The following CIITA variants were observed in gnomAD, a reference collection of about 807,000 sequenced individuals.
CIITA encodes MHC class II transactivator.
Under a neutral mutation model 115.1 loss-of-function variants are expected in CIITA, and 72 were observed. The ratio of observed to expected loss-of-function variants is 0.63; its 90% confidence interval spans 0.52 to 0.76. The LOEUF is 0.76. CIITA is among the 30% of genes least tolerant of loss of function. The pLI is 0.00. For missense variants in CIITA, 1,617 were observed against 1,463.8 expected (o/e 1.10, Z -1.71); for synonymous variants, 763 against 635.6 (o/e 1.20, Z -3.02).
At position 10,924,022 on chromosome 16, in the gene CIITA, A is replaced by G. The variant is rs2040419715; in HGVS notation, c.*167A>G. 1 of 152,828 alleles carries G rather than the reference A, an allele frequency of 6.5e-6. No homozygotes were observed. Among genetic ancestry groups the G allele is most frequent in the Admixed American group, 6.5e-5 (1 of 15,286 alleles). The allele number at this position is 152,828 out of a possible 1,614,324, so 9.5% of individuals were successfully genotyped here. ...GGGTTGGCCCCTGCCCGGCTGCGGA[A>G]TGAACCACATCTTGCTCTGCTGACA... On this transcript the variant is annotated 3_prime_UTR_variant, in exon 20 of 20. Transcript: ENST00000324288.
rs2040666728 is a variant in CIITA, at chr16:10,929,202, G to A, written c.*5347G>A. 11 of 985,682 alleles carry A rather than the reference G, an allele frequency of 1.1e-5. No homozygotes were observed. Among genetic ancestry groups the A allele is most frequent in the Non-Finnish European group, 1.3e-5 (11 of 829,904 alleles). 61.1% of individuals were successfully genotyped at this position (985,682 alleles called of 1,614,324 possible). On this transcript the variant is annotated 3_prime_UTR_variant, in exon 20 of 20. Coordinates refer to ENST00000324288, the MANE Select transcript of CIITA (RefSeq NM_000246.4). This position sits in a 1 kb window ranked among gnomAD's most constrained non-coding sequence, Gnocchi z 4.3. Reference sequence around the variant, plus strand: ...GCCTCGGGCTAAACCCAGCTGGCCTGAAGGCTCAACTCACATCAAACGGAG... The same window carrying A: ...GCCTCGGGCTAAACCCAGCTGGCCTAAAGGCTCAACTCACATCAAACGGAG...
downstream of CIITA, chr16:10,937,907 G>A (rs1331889859): frequency 6.6e-6 from 1 of 152,236 alleles, no homozygotes; most frequent in Non-Finnish European, 1.5e-5. The surrounding 1 kb of genome is among the most constrained non-coding windows in gnomAD (Gnocchi z 4.2). Flanking sequence ...GGGTCCTGGG[G>A]CTGGGAAGGC....
At chr16:10,919,098 C>T (rs1030319723) in intron 16 of CIITA, among the ~76,000 whole-genome samples, 2 of 152,222 alleles carry the variant, frequency 1.3e-5, no homozygotes, top group South Asian at 2.1e-4. Context: ...AAACTGCTCT[C>T]CTCTTCGCCA....
chr16:10,882,621 G>T (rs2036539490), intron 1 of CIITA, among the ~76,000 whole-genome samples: 1 of 152,200 alleles, frequency 6.6e-6, no homozygotes, highest in East Asian at 1.9e-4. Context: ...TTCCAGGCCG[G>T]GCATGGTGGC....
In CIITA at chr16:10,928,020, C is replaced by T. The variant is rs941313717; in HGVS notation, c.*4165C>T. ...GCATACAAATGTCTCCCTCCTGACG[C>T]TCACCTTTTTCCCTGGGGCTCTCAA... On this transcript the variant is annotated 3_prime_UTR_variant, in exon 20 of 20. Transcript: ENST00000324288. The T allele has an allele frequency of 2.0e-5, 3 of 152,228 alleles. No homozygotes were observed. The highest frequency in any genetic ancestry group is 2.4e-5 in the African/African-American group (1 of 41,454). The allele number at this position is 152,228 out of a possible 1,614,324, so 9.4% of individuals were successfully genotyped here. A position where few individuals can be genotyped will look rare whatever the true frequency, so the allele number is the denominator to read the frequency against.
chr16:10,880,464 G>A (rs745544862), intron 1 of CIITA, among the ~76,000 whole-genome samples: 1 of 152,224 alleles, frequency 6.6e-6, no homozygotes. Flanking sequence ...CAGAAAAGGA[G>A]TACCAGGAGG....
At chr16:10,881,625 C>T (rs571345478) in intron 1 of CIITA, among the ~76,000 whole-genome samples, 4 of 152,132 alleles carry the variant, frequency 2.6e-5, no homozygotes, top group South Asian at 4.2e-4. Context: ...TTTGCTTTTC[C>T]GTTTATACAT....
At chr16:10,867,108 C>T (rs916650716) in intron 1 of CIITA, among the ~76,000 whole-genome samples, 1 of 152,072 alleles carries the variant, frequency 6.6e-6, no homozygotes, top group African/African-American at 2.4e-5. Context: ...GCCAGACATC[C>T]TGGTGGGTGC....
intron 1 of CIITA, among the ~76,000 whole-genome samples, chr16:10,894,371 T>C (rs964171279): frequency 1.3e-5 from 2 of 152,214 alleles, no homozygotes; most frequent in African/African-American, 4.8e-5. Context: ...TTGGTGGATA[T>C]TTGGGCTGTT....
chr16:10,878,382 A>T (rs2036050087), intron 1 of CIITA, among the ~76,000 whole-genome samples: 1 of 152,126 alleles, frequency 6.6e-6, no homozygotes, highest in Admixed American at 6.5e-5. Flanking sequence ...GAAAGTGACC[A>T]CCTCAAAGTC....
chr16:10,895,534 C>T, intron 2 of CIITA, 106 bp downstream of exon 2: 1 of 1,568,812 alleles, frequency 6.4e-7, no homozygotes, highest in Admixed American at 1.7e-5. Context: ...GTCAGCACCA[C>T]GGACAGCTCC....
At chr16:10,876,045 G>C (rs1001085918), upstream of CIITA, among the ~76,000 whole-genome samples, 2 of 152,120 alleles carry the variant, frequency 1.3e-5, no homozygotes, top group Non-Finnish European at 2.9e-5. Context: ...AGCTGCTCGG[G>C]AGGCTGAGGC....
rs1003764418 is a variant in CIITA, at chr16:10,915,613, C to G, written c.2932C>G (p.Arg978Gly). 6.2e-7 allele frequency: 1 copy of G among 1,613,996 alleles called. No individual in the cohort carries two copies. The highest frequency in any genetic ancestry group is 8.5e-7 in the Non-Finnish European group (1 of 1,180,000). The change falls in exon 14 of 20, where the codon CGG becomes GGG. Residue 978 changes from arginine to glycine, a missense_variant. Transcript: ENST00000324288. The stretch of plus-strand genomic sequence containing the variant: ...CCCCCAGGCTTTCCCCAAACTGGTG[C>G]GGATCCTCACGGCCTTTTCCTCCCT... Reference protein sequence around the residue: ...SGPQAFPKLVRILTAFSSLQH... With the variant: ...SGPQAFPKLVGILTAFSSLQH...
At chr16:10,921,645 A>G (rs1157678729) in intron 16 of CIITA, among the ~76,000 whole-genome samples, 1 of 152,250 alleles carries the variant, frequency 6.6e-6, no homozygotes, top group African/African-American at 2.4e-5. Context: ...AGTAAGAGGC[A>G]TAGCTGGGAT....
chr16:10,917,786 G>A (rs991580543), intron 15 of CIITA, among the ~76,000 whole-genome samples: 1 of 152,140 alleles, frequency 6.6e-6, no homozygotes, highest in Non-Finnish European at 1.5e-5. Flanking sequence ...AGTTCAACAT[G>A]ATTTTTTACT....
Position 10,910,233 on chromosome 16 carries a change from T to G in CIITA, c.2862T>G (p.Val954=). 1 of 1,614,028 alleles carries G rather than the reference T, an allele frequency of 6.2e-7. No individual in the cohort carries two copies. The highest frequency in any genetic ancestry group is 8.5e-7 in the Non-Finnish European group (1 of 1,179,966). ...ACACAGCTGGGGAGCTCCCTGCTGT[T>G]CGGGACCTAAAGAAACTGGAGTTTG... is the stretch of plus-strand genomic sequence containing the variant. ...SEDTAGELPA[V]RDLKKLEFAL... is the part of the protein sequence containing the mutation. Residue 954 remains valine, a synonymous_variant, in exon 13 of 20, where the codon GTT becomes GTG. Transcript: ENST00000324288.
intron 1 of CIITA, among the ~76,000 whole-genome samples, chr16:10,890,714 C>A (rs990232920): frequency 2.0e-5 from 3 of 152,184 alleles, no homozygotes; most frequent in African/African-American, 7.2e-5. Flanking sequence ...GTCACTCTCA[C>A]AAACGTAAGA....
chr16:10,930,595 T>C lies in CIITA; in HGVS notation c.*6740T>C, dbSNP rs751763326. 6.6e-6 allele frequency: 1 copy of C among 152,216 alleles called. No homozygotes were observed. The allele number at this position is 152,216 out of a possible 1,614,324, so 9.4% of individuals were successfully genotyped here. ...AGAAGCCAAGTAACCTGCCTAAAGA[T>C]GCACAGCTATGAGAGGCAAAGCTGG... is the stretch of plus-strand genomic sequence containing the variant. On this transcript the variant is annotated 3_prime_UTR_variant, in exon 20 of 20. Coordinates refer to ENST00000324288, the MANE Select transcript of CIITA (RefSeq NM_000246.4).
At chr16:10,900,866 C>G (rs1235870605) in intron 5 of CIITA, among the ~76,000 whole-genome samples, 1 of 152,162 alleles carries the variant, frequency 6.6e-6, no homozygotes, top group Admixed American at 6.5e-5. Flanking sequence ...CTTATCACAT[C>G]TCTATTCATC....
Sources: allele counts gnomAD v4.1 joint callset (sites outside exome capture counted in the v4.1 genomes callset), GRCh38; gene constraint gnomAD v4.1.1; non-coding constraint Gnocchi (gnomAD v3.1); transcripts MANE v1.5; gene names NCBI Gene and HGNC (gene_info 2026-07-23, HGNC 2026-07-21).